NOS1AP: variants seen among roughly 807,000 people sequenced by gnomAD.
NOS1AP encodes carboxyl-terminal PDZ ligand of neuronal nitric oxide synthase protein.
Under a neutral mutation model 56.2 loss-of-function variants are expected in NOS1AP, and 21 were observed. The observed-to-expected ratio is 0.37, with a 90% CI of 0.26 to 0.54. NOS1AP has a LOEUF of 0.54. NOS1AP is among the 20% of genes least tolerant of loss of function. The pLI is 0.84. For synonymous variants in NOS1AP, 270 were observed against 274.6 expected (o/e 0.98, Z 0.17); for missense variants, 522 against 657.8 (o/e 0.79, Z 2.26).
chr1:162,281,446 G>A (rs1654923865), intron 2 of NOS1AP, among the ~76,000 whole-genome samples: 1 of 152,196 alleles, frequency 6.6e-6, no homozygotes, highest in Non-Finnish European at 1.5e-5. Flanking sequence ...GGTATGGCCT[G>A]TGGGATAAAT....
chr1:162,172,928 G>GTT (rs1557818158), intron 2 of NOS1AP, among the ~76,000 whole-genome samples: 2 of 7,750 alleles, frequency 2.6e-4, no homozygotes, highest in Non-Finnish European at 7.8e-4. Context: ...CTCAATAGGA[G>GTT]GTTTTTTTTT....
chr1:162,357,254 G>A (rs1462482805), intron 8 of NOS1AP, 118 bp downstream of exon 8: 2 of 1,509,236 alleles, frequency 1.3e-6, no homozygotes, highest in Non-Finnish European at 1.8e-6. Flanking sequence ...AATCGCTCAT[G>A]CTATTGGATC....
intron 4 of NOS1AP, 138 bp from the exon 5 acceptor site, chr1:162,332,879 T>C (rs1029717051): frequency 1.4e-6 from 1 of 704,522 alleles, no homozygotes; most frequent in Non-Finnish European, 2.6e-6. Flanking sequence ...GACTTTTTGA[T>C]CCTGAAGGAA....
At chr1:162,306,479 A>G (rs1043809985) in intron 4 of NOS1AP, among the ~76,000 whole-genome samples, 1 of 152,140 alleles carries the variant, frequency 6.6e-6, no homozygotes, top group Non-Finnish European at 1.5e-5. Flanking sequence ...CACTTCCCAA[A>G]TCTCCCACAA....
chr1:162,238,317 G>A (rs1029856825), intron 2 of NOS1AP, among the ~76,000 whole-genome samples: 1 of 152,110 alleles, frequency 6.6e-6, no homozygotes, highest in African/African-American at 2.4e-5. Flanking sequence ...GCGGGTCACA[G>A]CCTGTGCTAC....
chr1:162,323,434 A>G (rs1390561880), intron 4 of NOS1AP, among the ~76,000 whole-genome samples: 1 of 152,274 alleles, frequency 6.6e-6, no homozygotes, highest in Non-Finnish European at 1.5e-5. Flanking sequence ...TAAGAAATTA[A>G]TACAGATACT....
chr1:162,246,342 G>A (rs112565923), intron 2 of NOS1AP, among the ~76,000 whole-genome samples: 7,585 of 152,192 alleles, frequency 0.05, 549 homozygotes, highest in African/African-American at 0.17. Context: ...ACAGAGTGAT[G>A]AACAACATGG....
At chr1:162,366,982 G>T in intron 9 of NOS1AP, 70 bp from the exon 10 acceptor site, 1 of 1,587,560 alleles carries the variant, frequency 6.3e-7, no homozygotes. Context: ...CGGGCGGGCA[G>T]AAGGCGGGCA....
At chr1:162,131,229 G>A (rs1477698388) in intron 1 of NOS1AP, among the ~76,000 whole-genome samples, 1 of 152,000 alleles carries the variant, frequency 6.6e-6, no homozygotes, top group Non-Finnish European at 1.5e-5. Flanking sequence ...GGCTCTCAGT[G>A]CAGTAGGAAG....
chr1:162,267,417 A>G (rs1254528725), intron 2 of NOS1AP, among the ~76,000 whole-genome samples: 2 of 152,138 alleles, frequency 1.3e-5, no homozygotes, highest in African/African-American at 4.8e-5. Flanking sequence ...AACCACTATG[A>G]CAAAGAGAAC....
At chr1:162,128,352 C>T (rs1648582530) in intron 1 of NOS1AP, among the ~76,000 whole-genome samples, 1 of 151,994 alleles carries the variant, frequency 6.6e-6, no homozygotes. Flanking sequence ...AAAATACTTT[C>T]TATTGTGTTG....
At position 162,278,519 on chromosome 1, in the gene NOS1AP, C is replaced by T. The variant is rs6659318; in HGVS notation, c.178-8825C>T. On this transcript the variant is annotated intron_variant, in intron 2 of 9. Coordinates refer to ENST00000361897, the MANE Select transcript of NOS1AP (RefSeq NM_014697.3). ...GAGGTTTATTAAACATGATTGATTA[C>T]CTTCTTTTCAAGAGAGGTAAATTGA... Among the ~76,000 whole-genome samples the T allele has an allele frequency of 8.4e-3, 1,272 of 152,170 alleles. 18 individuals carry two copies. The highest frequency in any genetic ancestry group is 0.029 in the African/African-American group (1,219 of 41,516).
At chr1:162,246,208 C>CT (rs1474740220) in intron 2 of NOS1AP, among the ~76,000 whole-genome samples, 1 of 152,124 alleles carries the variant, frequency 6.6e-6, no homozygotes, top group Non-Finnish European at 1.5e-5. Context: ...TTATTTAATC[C>CT]TTTTTTTTAA....
intron 1 of NOS1AP, among the ~76,000 whole-genome samples, chr1:162,101,256 G>A (rs752056577): frequency 6.6e-6 from 1 of 152,142 alleles, no homozygotes; most frequent in Non-Finnish European, 1.5e-5. Context: ...TAAGTGTGTG[G>A]TCTTCTTTCT....
chr1:162,205,475 T>G (rs767448746), intron 2 of NOS1AP, among the ~76,000 whole-genome samples: 2 of 152,184 alleles, frequency 1.3e-5, no homozygotes, highest in Non-Finnish European at 2.9e-5. Context: ...GACAATTAAG[T>G]GAATGGGGAT....
intron 8 of NOS1AP, among the ~76,000 whole-genome samples, chr1:162,361,354 A>C (rs1657899285): frequency 6.6e-6 from 1 of 152,208 alleles, no homozygotes; most frequent in Admixed American, 6.5e-5. Context: ...CAAAGCACAG[A>C]GGGCTGTAGC....
chr1:162,148,134 G>GATAC (rs1649559703), intron 1 of NOS1AP, among the ~76,000 whole-genome samples: 2 of 152,240 alleles, frequency 1.3e-5, no homozygotes, highest in Non-Finnish European at 2.9e-5. Flanking sequence ...GAGTGTAATG[G>GATAC]AGGGCTGGAA....
chr1:162,137,709 T>G (rs553810303), intron 1 of NOS1AP, among the ~76,000 whole-genome samples: 2 of 152,228 alleles, frequency 1.3e-5, no homozygotes, highest in East Asian at 3.9e-4. Flanking sequence ...GTCTCCTGTG[T>G]GGTTGCTCAG....
At chr1:162,297,931 TCATATATCC>T (rs1655524731) in intron 3 of NOS1AP, among the ~76,000 whole-genome samples, 1 of 152,096 alleles carries the variant, frequency 6.6e-6, no homozygotes, top group South Asian at 2.1e-4. Context: ...TCTTTTCACC[TCATATATCC>T]CAGATGCAGA....
Sources: gnomAD v4.1 joint callset for allele counts (sites outside exome capture counted in the v4.1 genomes callset) on GRCh38, gnomAD v4.1.1 for gene constraint, MANE v1.5 for transcripts, NCBI Gene and HGNC (gene_info 2026-07-23, HGNC 2026-07-21) for gene names.